SLC2A9: variants seen among roughly 807,000 people sequenced by gnomAD.
SLC2A9 encodes the protein solute carrier family 2, facilitated glucose transporter member 9.
Under a neutral mutation model 50.6 loss-of-function variants are expected in SLC2A9, and 39 were observed. The observed-to-expected ratio is 0.77, with a 90% CI of 0.60 to 1.01. SLC2A9 has a LOEUF of 1.01. SLC2A9 is among the 50% of genes least tolerant of loss of function. SLC2A9 has a pLI of 0.00. For synonymous variants in SLC2A9, 324 were observed against 276.9 expected (o/e 1.17, Z -1.69); for missense variants, 686 against 677.6 (o/e 1.01, Z -0.14).
intron 10 of SLC2A9, among the ~76,000 whole-genome samples, chr4:9,867,009 A>G (rs1214096448): frequency 6.6e-6 from 1 of 152,154 alleles, no homozygotes; most frequent in African/African-American, 2.4e-5. Context: ...TGCTCCCAAT[A>G]TGGGGAGACG....
At chr4:9,951,221 T>C (rs1003967647) in intron 5 of SLC2A9, among the ~76,000 whole-genome samples, 12 of 152,144 alleles carry the variant, frequency 7.9e-5, no homozygotes, top group African/African-American at 2.9e-4. Context: ...TTAACTAAAG[T>C]GAGATAAGCC....
intron 3 of SLC2A9, among the ~76,000 whole-genome samples, chr4:9,808,128 G>T (rs796485985): frequency 1.3e-5 from 2 of 152,176 alleles, no homozygotes; most frequent in Non-Finnish European, 2.9e-5. Flanking sequence ...GGGCTGTCAC[G>T]GTGTCTTGGC....
At chr4:9,848,433 A>T (rs1468671397) in intron 10 of SLC2A9, among the ~76,000 whole-genome samples, 1 of 151,924 alleles carries the variant, frequency 6.6e-6, no homozygotes, top group Non-Finnish European at 1.5e-5. Context: ...ATTAGGCAAA[A>T]GGGGCAGGTC....
intron 1 of SLC2A9, among the ~76,000 whole-genome samples, chr4:10,037,570 G>A (rs949613384): frequency 7.4e-5 from 11 of 149,590 alleles, no homozygotes; most frequent in Non-Finnish European, 1.5e-4. Context: ...AGTCATCAAG[G>A]TAAATAATAA....
intron 3 of SLC2A9, among the ~76,000 whole-genome samples, chr4:9,812,758 C>A (rs1406235797): frequency 6.6e-6 from 1 of 152,178 alleles, no homozygotes; most frequent in East Asian, 1.9e-4. Flanking sequence ...CTCCTCACCA[C>A]CCACACTTCC....
At chr4:9,830,237 G>A (rs190370165) in intron 11 of SLC2A9, among the ~76,000 whole-genome samples, 19 of 152,290 alleles carry the variant, frequency 1.2e-4, no homozygotes, top group Non-Finnish European at 2.5e-4. Flanking sequence ...GCTGGAAGCT[G>A]TTACCCTCAG....
At chr4:9,782,778 G>A (rs1455399894) in intron 3 of SLC2A9, 3 of 1,613,972 alleles carry the variant, frequency 1.9e-6, no homozygotes, top group East Asian at 4.5e-5. Context: ...CGCATCTACC[G>A]CATCGCCCAG....
intron 2 of SLC2A9, 146 bp downstream of exon 2, chr4:10,018,829 T>TC (rs1037534988): frequency 1.8e-5 from 13 of 731,226 alleles, no homozygotes; most frequent in Non-Finnish European, 2.7e-5. Context: ...GCCTCCCCTC[T>TC]CCCCCGAGTG....
intron 2 of SLC2A9, 137 bp downstream of exon 2, chr4:10,018,838 T>G: frequency 6.5e-6 from 5 of 765,326 alleles, no homozygotes; most frequent in Non-Finnish European, 1.1e-5. Context: ...CTCCCCCGAG[T>G]GGGGGCTAAT....
chr4:9,945,061 T>C (rs995362973), intron 5 of SLC2A9, among the ~76,000 whole-genome samples: 15 of 152,220 alleles, frequency 9.9e-5, no homozygotes, highest in African/African-American at 2.9e-4. Flanking sequence ...TTTCTGACAA[T>C]GAACATGCAC....
intron 3 of SLC2A9, among the ~76,000 whole-genome samples, chr4:9,993,305 A>G (rs746819280): frequency 5.3e-5 from 8 of 152,206 alleles, no homozygotes; most frequent in Non-Finnish European, 1.2e-4. Flanking sequence ...TTTCAGTGCA[A>G]TTGAAAGAAC....
intron 3 of SLC2A9, among the ~76,000 whole-genome samples, chr4:9,805,974 A>G (rs1722066771): frequency 6.6e-6 from 1 of 152,212 alleles, no homozygotes; most frequent in Admixed American, 6.5e-5. Context: ...CACAGCAAGT[A>G]CGCGGTGGAG....
chr4:9,811,064 C>G (rs996983278), intron 3 of SLC2A9, among the ~76,000 whole-genome samples: 1 of 152,170 alleles, frequency 6.6e-6, no homozygotes, highest in African/African-American at 2.4e-5. Context: ...TGCCCTCTAC[C>G]CTGTCCACCA....
intron 8 of SLC2A9, among the ~76,000 whole-genome samples, chr4:9,905,513 T>C (rs1170385483): frequency 6.6e-6 from 1 of 152,168 alleles, no homozygotes; most frequent in Non-Finnish European, 1.5e-5. Flanking sequence ...GACTCTGAGT[T>C]CTGATTTTAG....
intron 8 of SLC2A9, among the ~76,000 whole-genome samples, chr4:9,896,058 A>AT (rs1738498934): frequency 6.6e-6 from 1 of 152,242 alleles, no homozygotes; most frequent in Non-Finnish European, 1.5e-5. Context: ...GCTCTGAGAA[A>AT]TAAAACCATT....
intron 3 of SLC2A9, among the ~76,000 whole-genome samples, chr4:9,809,246 A>G (rs979200554): frequency 3.9e-5 from 6 of 152,128 alleles, no homozygotes; most frequent in African/African-American, 1.4e-4. Context: ...TCCTGGTGGG[A>G]GCAGAGTGTG....
intron 6 of SLC2A9, among the ~76,000 whole-genome samples, chr4:9,937,046 G>T (rs1274015908): frequency 6.6e-6 from 1 of 152,142 alleles, no homozygotes; most frequent in East Asian, 1.9e-4. Context: ...CTTCCTCCCA[G>T]CTCTCAGGGG....
chr4:10,012,390 T>G (rs567327193), intron 2 of SLC2A9, among the ~76,000 whole-genome samples: 12 of 152,296 alleles, frequency 7.9e-5, no homozygotes, highest in South Asian at 6.2e-4. Context: ...AAATTTAAAT[T>G]TATCCATTTG....
At chr4:9,998,770 A>G (rs1759228636) in intron 2 of SLC2A9, among the ~76,000 whole-genome samples, 1 of 152,214 alleles carries the variant, frequency 6.6e-6, no homozygotes, top group African/African-American at 2.4e-5. Context: ...CGATAGCAGG[A>G]ATAAACAAAT....
Sources: allele counts gnomAD v4.1 joint callset (sites outside exome capture counted in the v4.1 genomes callset), GRCh38; gene constraint gnomAD v4.1.1; transcripts MANE v1.5; gene names NCBI Gene and HGNC (gene_info 2026-07-23, HGNC 2026-07-21).